Variants in ASTN1 observed in about 807,000 individuals in gnomAD.
ASTN1 encodes astrotactin 1.
Under a neutral mutation model 140.7 loss-of-function variants are expected in ASTN1, and 41 were observed. The ratio of observed to expected loss-of-function variants is 0.29; its 90% CI spans 0.23 to 0.38. The LOEUF (loss-of-function observed/expected upper bound fraction) is 0.38, where lower values mean the gene tolerates loss of function less well. Ranked by LOEUF, ASTN1 falls within the 10% of genes least tolerant of loss-of-function variation. ASTN1 has a pLI of 1.00. For synonymous variants in ASTN1, 640 were observed against 652.2 expected, an observed-to-expected ratio of 0.98 and a Z score of 0.29; for missense variants, 1,479 against 1,678.8, an observed-to-expected ratio of 0.88 and a Z score of 2.08.
intron 1 of ASTN1, among the ~76,000 whole-genome samples, chr1:177,125,980 G>GT (rs1681626011): frequency 6.6e-6 from 1 of 152,098 alleles, no homozygotes; most frequent in African/African-American, 2.4e-5. Flanking sequence ...ATTCCAAGAT[G>GT]TTATGAACAA....
At chr1:177,155,816 G>T (rs1011989856) in intron 1 of ASTN1, among the ~76,000 whole-genome samples, 1 of 152,106 alleles carries the variant, frequency 6.6e-6, no homozygotes, top group African/African-American at 2.4e-5. Context: ...AGACACATAT[G>T]GTTACATATA....
intron 1 of ASTN1, among the ~76,000 whole-genome samples, chr1:177,072,400 C>G (rs1448754633): frequency 6.6e-6 from 1 of 152,154 alleles, no homozygotes; most frequent in Non-Finnish European, 1.5e-5. Flanking sequence ...AGACTCTCCA[C>G]ACTGCCTTGG....
chr1:176,959,933 G>A (rs895509108), intron 9 of ASTN1, among the ~76,000 whole-genome samples: 1 of 152,108 alleles, frequency 6.6e-6, no homozygotes, highest in Non-Finnish European at 1.5e-5. Context: ...CACCAGGGGA[G>A]GAAAGCTTGT....
intron 21 of ASTN1, among the ~76,000 whole-genome samples, chr1:176,870,604 A>T (rs1668298992): frequency 6.6e-6 from 1 of 152,202 alleles, no homozygotes; most frequent in Middle Eastern, 3.2e-3. Context: ...CTTTGGAAAC[A>T]ATTTAAATTT....
chr1:176,917,297 G>A lies in ASTN1; in HGVS notation c.2671+16855C>T, dbSNP rs193150883. Reference sequence around the variant, plus strand: ...CATAGGGCCTGGCACTCAATCACACGTAGCTGTAGGTATGTGTGGAATGGA... The same window carrying A: ...CATAGGGCCTGGCACTCAATCACACATAGCTGTAGGTATGTGTGGAATGGA... On this transcript the variant is annotated intron_variant, in intron 16 of 22. Transcript: ENST00000361833. Among the ~76,000 whole-genome samples the A allele has an allele frequency of 2.5e-3, 378 of 152,278 alleles. 1 individual carries two copies. Among genetic ancestry groups the A allele is most frequent in the Middle Eastern group, 6.8e-3 (2 of 294 alleles).
chr1:176,969,062 G>A (rs770964318), intron 8 of ASTN1, among the ~76,000 whole-genome samples: 18 of 152,262 alleles, frequency 1.2e-4, no homozygotes, highest in Non-Finnish European at 2.2e-4. Flanking sequence ...CACTCATAAC[G>A]CTTTGAAACG....
chr1:177,072,972 C>A (rs1678717033), intron 1 of ASTN1, among the ~76,000 whole-genome samples: 1 of 152,074 alleles, frequency 6.6e-6, no homozygotes, highest in South Asian at 2.1e-4. Flanking sequence ...GCTGGGTTTT[C>A]TTCCTCTGAT....
intron 1 of ASTN1, among the ~76,000 whole-genome samples, chr1:177,098,465 T>C (rs546044301): frequency 6.6e-6 from 1 of 152,320 alleles, no homozygotes; most frequent in South Asian, 2.1e-4. Context: ...TTTTTTCTTA[T>C]TTTCTTTTCT....
At chr1:177,038,049 G>A (rs903012373) in intron 2 of ASTN1, among the ~76,000 whole-genome samples, 13 of 152,090 alleles carry the variant, frequency 8.5e-5, no homozygotes, top group African/African-American at 2.2e-4. Flanking sequence ...GGTAATTGCC[G>A]AAGGATGGAA....
intron 1 of ASTN1, among the ~76,000 whole-genome samples, chr1:177,107,439 G>C (rs1233370056): frequency 6.6e-6 from 1 of 152,206 alleles, no homozygotes; most frequent in Non-Finnish European, 1.5e-5. Context: ...ACCTAGGAAG[G>C]ATAGTCCATT....
At chr1:176,898,706 T>C (rs1669633665) in intron 16 of ASTN1, among the ~76,000 whole-genome samples, 2 of 151,936 alleles carry the variant, frequency 1.3e-5, no homozygotes, top group African/African-American at 4.8e-5. Flanking sequence ...GTGTGTGGAG[T>C]GTTGCAGAAG....
chr1:177,095,967 G>A (rs1305159377), intron 1 of ASTN1, among the ~76,000 whole-genome samples: 3 of 152,188 alleles, frequency 2.0e-5, no homozygotes, highest in Non-Finnish European at 2.9e-5. Flanking sequence ...TCTGAAGGTG[G>A]AACATCAAGT....
intron 22 of ASTN1, 68 bp downstream of exon 22, chr1:176,868,776 G>A: frequency 6.8e-7 from 1 of 1,469,146 alleles, no homozygotes; most frequent in East Asian, 2.3e-5. Flanking sequence ...CATGGATGCA[G>A]TATTACGGCA....
At chr1:176,857,750 A>G, downstream of ASTN1, 1 of 423,110 alleles carries the variant, frequency 2.4e-6, no homozygotes, top group South Asian at 8.3e-5. Context: ...TGGATGTGAG[A>G]ACAAAGAGGC....
chr1:177,008,016 C>G (rs527424867), intron 8 of ASTN1, among the ~76,000 whole-genome samples: 2 of 152,156 alleles, frequency 1.3e-5, no homozygotes, highest in African/African-American at 4.8e-5. Flanking sequence ...TGTGAAAAAT[C>G]GGTCAAGTTA....
intron 3 of ASTN1, among the ~76,000 whole-genome samples, 198 bp downstream of exon 3, chr1:177,032,258 A>G (rs546037177): frequency 1.3e-5 from 2 of 152,252 alleles, no homozygotes; most frequent in East Asian, 1.9e-4. Flanking sequence ...TCCAATTTAC[A>G]CGGTTCTTCT....
At chr1:176,904,560 G>A (rs911640723) in intron 16 of ASTN1, among the ~76,000 whole-genome samples, 4 of 152,260 alleles carry the variant, frequency 2.6e-5, no homozygotes, top group African/African-American at 9.6e-5. Flanking sequence ...TTAGCAGAAA[G>A]ACAACGTGAA....
intron 1 of ASTN1, among the ~76,000 whole-genome samples, chr1:177,116,358 A>C (rs572415297): frequency 6.6e-6 from 1 of 152,332 alleles, no homozygotes; most frequent in South Asian, 2.1e-4. Flanking sequence ...TTATGTGTAG[A>C]TGACAACACA....
chr1:176,942,896 G>A (rs1401393810), intron 14 of ASTN1, among the ~76,000 whole-genome samples: 6 of 122,456 alleles, frequency 4.9e-5, no homozygotes, highest in South Asian at 2.8e-4. Context: ...CTTAAAATGC[G>A]TAAAACCAAG....
Sources: gnomAD v4.1 joint callset for allele counts (sites outside exome capture counted in the v4.1 genomes callset) on GRCh38, gnomAD v4.1.1 for gene constraint, MANE v1.5 for transcripts, NCBI Gene and HGNC (gene_info 2026-07-23, HGNC 2026-07-21) for gene names.